ZNF738: variants seen among roughly 807,000 people sequenced by gnomAD.
ZNF738 encodes zinc finger protein 738.
ZNF738 carries 10 observed loss-of-function variants against 9.2 expected under a neutral mutation model. That is an observed-to-expected ratio of 1.09 (90% CI 0.67 to 1.85). ZNF738 has a LOEUF of 1.85. ZNF738 is among the 40% of genes most tolerant of loss of function. The pLI is 0.00. For missense variants in ZNF738, 346 were observed against 283.6 expected, an observed-to-expected ratio of 1.22 and a Z score of -1.58; for synonymous variants, 113 against 94.5, an observed-to-expected ratio of 1.20 and a Z score of -1.14.
At chr19:21,375,424 T>C in intron 3 of ZNF738, 60 bp downstream of exon 3, 1 of 581,554 alleles carries the variant, frequency 1.7e-6, no homozygotes, top group Non-Finnish European at 3.1e-6. Flanking sequence ...TTCTCCATTT[T>C]TGTAGAATAA....
chr19:21,376,544 T>C (rs1301591033), intron 4 of ZNF738: 2 of 152,644 alleles, frequency 1.3e-5, no homozygotes, highest in East Asian at 3.8e-4. Flanking sequence ...ATTGTAGTTT[T>C]TTTGTTTTGT....
In ZNF738 at chr19:21,368,963, C is replaced by T. The variant is rs113953976; in HGVS notation, c.97-6275C>T. 6.4e-3 allele frequency among the ~76,000 whole-genome samples: 969 copies of T among 152,186 alleles called. 16 individuals carry two copies. The highest frequency in any genetic ancestry group is 0.021 in the African/African-American group (890 of 41,516). ...ATATTGGCCAGGCTGGTCTTGAACT[C>T]CTGATCTCAAGTAATCCATCTGCGT... On this transcript the variant is annotated intron_variant, in intron 2 of 4. Coordinates refer to ENST00000683779, the MANE Select transcript of ZNF738 (RefSeq NM_001355237.2).
In ZNF738 at chr19:21,383,805, A is replaced by T. The variant is rs531018478; in HGVS notation, c.*131A>T. 135 of 1,238,946 alleles carry T rather than the reference A, an allele frequency of 1.1e-4. 2 individuals carry two copies. The South Asian group carries it at 1.5e-3, about 14-fold the overall frequency. 76.7% of individuals were successfully genotyped at this position (1,238,946 alleles called of 1,614,324 possible). A position where few individuals can be genotyped will look rare whatever the true frequency, so the allele number is the denominator to read the frequency against. The stretch of plus-strand genomic sequence containing the variant: ...TCCTCAAACCTTACTACTCATGAAA[A>T]TTCATTCTGGAGAGAAACCCTACAA... On this transcript the variant is annotated 3_prime_UTR_variant, in exon 5 of 5. Transcript: ENST00000683779.
At chr19:21,374,296 G>T (rs1021567892) in intron 2 of ZNF738, among the ~76,000 whole-genome samples, 2 of 151,908 alleles carry the variant, frequency 1.3e-5, no homozygotes, top group African/African-American at 4.8e-5. Flanking sequence ...GCTAAAGAAA[G>T]ACTACTTTAA....
intron 2 of ZNF738, among the ~76,000 whole-genome samples, chr19:21,370,069 C>T (rs1344007674): frequency 6.6e-6 from 1 of 152,158 alleles, no homozygotes. Flanking sequence ...ACCTCGGCCT[C>T]CCAAAGTGCT....
chr19:21,377,020 T>G (rs1973936293), intron 4 of ZNF738, among the ~76,000 whole-genome samples: 1 of 151,600 alleles, frequency 6.6e-6, no homozygotes, highest in South Asian at 2.1e-4. Flanking sequence ...TAAAAATAAT[T>G]GTACAGGCTG....
At chr19:21,378,226 G>A in intron 4 of ZNF738, 1 of 344,240 alleles carries the variant, frequency 2.9e-6, no homozygotes, top group South Asian at 1.5e-4. Flanking sequence ...TCAAATTTTG[G>A]GGAATAATTA....
At chr19:21,382,742 G>T in intron 4 of ZNF738, 124 bp from the exon 5 acceptor site, 1 of 180,036 alleles carries the variant, frequency 5.6e-6, no homozygotes, top group South Asian at 1.3e-4. Context: ...AAAAAATTAG[G>T]GCCTTTGGTA....
chr19:21,381,152 T>C, intron 4 of ZNF738: 1 of 945,544 alleles, frequency 1.1e-6, no homozygotes, highest in South Asian at 1.6e-5. Context: ...AGTCACATGA[T>C]TTCTGCAGTG....
rs1388812049 is a variant in ZNF738 at position 21,388,330 on chromosome 19, TGA to T, written c.*4661_*4662del. On this transcript the variant is annotated 3_prime_UTR_variant, in exon 5 of 5. Transcript: ENST00000683779. ...TGTGATAATTGTTGCATCAAAGGTA[TGA>T]GAGATTCTTTTCCATTAGGTGGGCA... 6.6e-6 allele frequency among the ~76,000 whole-genome samples: 1 copy of T among 152,182 alleles called. No individual in the cohort carries two copies. Among genetic ancestry groups the T allele is most frequent in the Non-Finnish European group, 1.5e-5 (1 of 68,012 alleles).
At chr19:21,363,629 C>T (rs184619424) in intron 2 of ZNF738, among the ~76,000 whole-genome samples, 1 of 152,294 alleles carries the variant, frequency 6.6e-6, no homozygotes, top group Admixed American at 6.5e-5. Flanking sequence ...TGGTTCATGC[C>T]TGTAATCCCT....
chr19:21,375,494 G>A (rs537713632), intron 3 of ZNF738, 130 bp downstream of exon 3: 63 of 528,238 alleles, frequency 1.2e-4, no homozygotes, highest in African/African-American at 9.0e-4. Flanking sequence ...AAAAAATTGC[G>A]AGGAATTATC....
chr19:21,377,695 G>A, intron 4 of ZNF738: 1 of 384,306 alleles, frequency 2.6e-6, no homozygotes. Flanking sequence ...CTCTCATTTG[G>A]TTAATATTTG....
chr19:21,359,735 G>A (rs1222287434), intron 1 of ZNF738, among the ~76,000 whole-genome samples: 3 of 151,982 alleles, frequency 2.0e-5, no homozygotes, highest in Non-Finnish European at 2.9e-5. Flanking sequence ...AAATGAGCCG[G>A]GCGTGGTGGC....
intron 2 of ZNF738, among the ~76,000 whole-genome samples, chr19:21,363,946 C>T (rs1973737905): frequency 6.6e-6 from 1 of 150,782 alleles, no homozygotes. Flanking sequence ...TCTGTAATCC[C>T]AGCACTTTGT....
chr19:21,377,633 A>G (rs1055706063), intron 4 of ZNF738: 21 of 463,402 alleles, frequency 4.5e-5, no homozygotes, highest in Admixed American at 1.2e-4. Context: ...GTAAGATATG[A>G]CAGTTTTTGA....
intron 2 of ZNF738, 121 bp downstream of exon 2, chr19:21,361,979 T>G: frequency 1.7e-6 from 1 of 578,788 alleles, no homozygotes; most frequent in Non-Finnish European, 3.1e-6. Flanking sequence ...TACTCGGGGT[T>G]GCTGAGGCAG....
chr19:21,383,363 A>C lies in ZNF738; in HGVS notation c.817A>C (p.Thr273Pro). ...ATGTGGAAAAGGTTTTAACCACTCCACAACTCTTACTAGACATAAGGTAAT... is the reference window on the plus strand; with the variant it reads ...ATGTGGAAAAGGTTTTAACCACTCCCCAACTCTTACTAGACATAAGGTAAT... ...EECGKGFNHS[T>P]TLTRHKVIHA... The change falls in exon 5 of 5, where the codon ACA becomes CCA. Residue 273 changes from threonine (T) to proline (P), a missense_variant. Transcript: ENST00000683779. 5.7e-6 allele frequency: 6 copies of C among 1,060,242 alleles called. No homozygotes were observed. The highest frequency in any genetic ancestry group is 8.5e-6 in the Non-Finnish European group (6 of 701,978). The allele number at this position is 1,060,242 out of a possible 1,614,324, so 65.7% of individuals were successfully genotyped here.
intron 2 of ZNF738, among the ~76,000 whole-genome samples, chr19:21,368,260 A>C (rs2145224706): frequency 6.6e-6 from 1 of 152,112 alleles, no homozygotes; most frequent in East Asian, 1.9e-4. Context: ...CTTCATCCTC[A>C]ACTAGGCCTC....
Sources: allele counts gnomAD v4.1 joint callset (sites outside exome capture counted in the v4.1 genomes callset), GRCh38; gene constraint gnomAD v4.1.1; transcripts MANE v1.5; gene names NCBI Gene and HGNC (gene_info 2026-07-23, HGNC 2026-07-21).